The following RECK variants were observed in gnomAD, a reference collection of about 807,000 sequenced individuals.
RECK encodes reversion inducing cysteine rich protein with kazal motifs.
A neutral mutation model predicts 115.1 loss-of-function variants in RECK; 69 were observed. That is an observed-to-expected ratio of 0.60 (90% confidence interval 0.49 to 0.73). The LOEUF (loss-of-function observed/expected upper bound fraction) is 0.73. RECK is among the 30% of genes least tolerant of loss of function. The pLI, the probability that RECK is intolerant of heterozygous loss-of-function variation, is 0.00. For missense variants in RECK, 1,047 were observed against 1,203.7 expected, an observed-to-expected ratio of 0.87 and a Z score of 1.93; for synonymous variants, 414 against 419.7, an observed-to-expected ratio of 0.99 and a Z score of 0.17.
intron 11 of RECK, among the ~76,000 whole-genome samples, chr9:36,101,667 G>C (rs1013911477): frequency 6.6e-6 from 1 of 152,208 alleles, no homozygotes; most frequent in Admixed American, 6.5e-5. Flanking sequence ...CTTTCTAGTT[G>C]TTATAGGCCA....
intron 2 of RECK, among the ~76,000 whole-genome samples, chr9:36,056,038 T>C (rs1479340310): frequency 1.3e-5 from 2 of 152,158 alleles, no homozygotes; most frequent in Non-Finnish European, 2.9e-5. Context: ...TAGAAAATTT[T>C]AAGTATATAC....
intron 1 of RECK, among the ~76,000 whole-genome samples, chr9:36,042,423 AGTGTGTGTGTGT>A (rs35193636): frequency 5.1e-4 from 73 of 144,454 alleles, no homozygotes; most frequent in Admixed American, 1.2e-3. Flanking sequence ...AGTATTCCAT[AGTGTGTGTGTGT>A]GTGTGTGTGT....
chr9:36,096,496 C>G (rs974316177), intron 10 of RECK, among the ~76,000 whole-genome samples: 5 of 151,828 alleles, frequency 3.3e-5, no homozygotes, highest in Non-Finnish European at 7.4e-5. Context: ...GAGATTGTGC[C>G]ACTGCACTCC....
chr9:36,104,385 G>A (rs1376293725), intron 12 of RECK, among the ~76,000 whole-genome samples: 1 of 105,110 alleles, frequency 9.5e-6, no homozygotes, highest in Non-Finnish European at 1.8e-5. Context: ...TTACTCTGTT[G>A]CCCAGGCTGG....
At chr9:36,098,806 C>T (rs1387381939) in intron 10 of RECK, among the ~76,000 whole-genome samples, 6 of 152,150 alleles carry the variant, frequency 3.9e-5, no homozygotes. Flanking sequence ...ACACAAAATA[C>T]ATTCTTGACA....
At chr9:36,106,274 AC>A (rs1187003179) in intron 13 of RECK, among the ~76,000 whole-genome samples, 2 of 147,840 alleles carry the variant, frequency 1.4e-5, no homozygotes, top group African/African-American at 5.0e-5. Flanking sequence ...CACTCTTGTT[AC>A]CCAGGCTAGA....
intron 17 of RECK, 38 bp from the exon 18 acceptor site, chr9:36,118,719 A>T: frequency 6.3e-7 from 1 of 1,582,966 alleles, no homozygotes; most frequent in Non-Finnish European, 8.7e-7. Flanking sequence ...GGTACAACAT[A>T]GACATTTCCA....
At chr9:36,050,986 C>T (rs1029403580) in intron 1 of RECK, among the ~76,000 whole-genome samples, 10 of 151,984 alleles carry the variant, frequency 6.6e-5, no homozygotes, top group Admixed American at 4.6e-4. Context: ...ATTTCACATT[C>T]GTATTCTCTC....
intron 16 of RECK, among the ~76,000 whole-genome samples, chr9:36,115,118 C>G (rs1294535284): frequency 6.6e-6 from 1 of 151,976 alleles, no homozygotes; most frequent in African/African-American, 2.4e-5. Flanking sequence ...AGTTCAAGAC[C>G]AGCCTGGCCA....
intron 2 of RECK, chr9:36,056,838 T>C (rs974218697): frequency 6.9e-6 from 2 of 289,094 alleles, no homozygotes; most frequent in Non-Finnish European, 1.0e-5. Flanking sequence ...TTGTGATAAT[T>C]GTCTAAATGC....
At chr9:36,077,641 C>T (rs1360979881) in intron 6 of RECK, among the ~76,000 whole-genome samples, 1 of 152,066 alleles carries the variant, frequency 6.6e-6, no homozygotes, top group Non-Finnish European at 1.5e-5. Flanking sequence ...CATGATGCTG[C>T]CATGTGAAAA....
chr9:36,050,781 C>T (rs893021672), intron 1 of RECK, among the ~76,000 whole-genome samples: 7 of 152,234 alleles, frequency 4.6e-5, no homozygotes, highest in Admixed American at 4.6e-4. Context: ...TTGAACACAC[C>T]AGAAACTTTG....
chr9:36,072,275 C>T (rs1036331391), intron 6 of RECK, among the ~76,000 whole-genome samples: 1 of 152,058 alleles, frequency 6.6e-6, no homozygotes, highest in African/African-American at 2.4e-5. Context: ...AGATTTACTA[C>T]CAGAAGCATA....
At chr9:36,115,769 A>T (rs1387826405) in intron 16 of RECK, among the ~76,000 whole-genome samples, 1 of 152,242 alleles carries the variant, frequency 6.6e-6, no homozygotes, top group African/African-American at 2.4e-5. Context: ...TGAAATTAAA[A>T]TAACACTAGC....
At chr9:36,076,166 C>T (rs766029065) in intron 6 of RECK, among the ~76,000 whole-genome samples, 3 of 152,166 alleles carry the variant, frequency 2.0e-5, no homozygotes, top group African/African-American at 7.2e-5. Context: ...CATGACACTG[C>T]GTTGTGAGAA....
In RECK at chr9:36,037,101, G is replaced by T. The variant is rs957241947; in HGVS notation, c.100+3G>T. The T allele has an allele frequency of 1.5e-6, 2 of 1,318,224 alleles. No homozygotes were observed. The highest frequency in any genetic ancestry group is 3.1e-5 in the African/African-American group (2 of 64,622). 81.7% of individuals were successfully genotyped at this position (1,318,224 alleles called of 1,614,324 possible). A position where few individuals can be genotyped will look rare whatever the true frequency, so the allele number is the denominator to read the frequency against. On this transcript the variant is annotated splice_donor_region_variant and intron_variant, in intron 1 of 20. Transcript: ENST00000377966. ...GGGCCTGGCTCCGGGCAGTGCGGGT[G>T]AGTAACCTCCAGAGCAACGGTTCGA...
intron 15 of RECK, among the ~76,000 whole-genome samples, chr9:36,111,313 T>C (rs1361751685): frequency 1.3e-5 from 2 of 152,218 alleles, no homozygotes; most frequent in Admixed American, 1.3e-4. Context: ...TTCATAACAA[T>C]TTGTAAGTCT....
In RECK at chr9:36,068,315, G is replaced by C. The variant is rs534606999; in HGVS notation, c.405+2691G>C. On this transcript the variant is annotated intron_variant, in intron 6 of 20. Transcript: ENST00000377966. ...ATTCAAAGGCAGAATCCATCAGCAAGATTCGTTATGATGGATTGAATATAG... is the reference window on the plus strand; with the variant it reads ...ATTCAAAGGCAGAATCCATCAGCAACATTCGTTATGATGGATTGAATATAG... 9.9e-5 allele frequency among the ~76,000 whole-genome samples: 15 copies of C among 152,274 alleles called. No individual in the cohort carries two copies. The South Asian group carries it at 3.1e-3, about 32-fold the overall frequency.
At chr9:36,096,164 G>A (rs1255253532) in intron 10 of RECK, among the ~76,000 whole-genome samples, 2 of 151,992 alleles carry the variant, frequency 1.3e-5, no homozygotes, top group Non-Finnish European at 2.9e-5. Context: ...TTGAGCCTGG[G>A]AGGTGGAGGT....
Sources: gnomAD v4.1 joint callset for allele counts (sites outside exome capture counted in the v4.1 genomes callset) on GRCh38, gnomAD v4.1.1 for gene constraint, MANE v1.5 for transcripts, NCBI Gene and HGNC (gene_info 2026-07-23, HGNC 2026-07-21) for gene names.